Variants in ALPL observed in about 807,000 individuals in gnomAD.
The protein encoded by ALPL is alkaline phosphatase, tissue-nonspecific isozyme.
ALPL carries 42 observed loss-of-function variants against 51.3 expected under a neutral mutation model. The observed-to-expected ratio is 0.82, with a 90% CI of 0.64 to 1.06. The LOEUF (loss-of-function observed/expected upper bound fraction) is 1.06. Ranked by LOEUF, ALPL falls within the 50% of genes least tolerant of loss-of-function variation. The pLI, the probability that ALPL is intolerant of heterozygous loss-of-function variation, is 0.00. For synonymous variants in ALPL, 279 were observed against 296.4 expected (o/e 0.94, Z 0.60); for missense variants, 589 against 709.4 (o/e 0.83, Z 1.93).
Position 21,568,200 on chromosome 1 carries a change from G to T in ALPL, c.745G>T (p.Gly249Cys). 6.2e-7 allele frequency: 1 copy of T among 1,614,062 alleles called. No homozygotes were observed. The highest frequency in any genetic ancestry group is 1.1e-5 in the South Asian group (1 of 91,072). Reference protein sequence around the residue: ...DEKARGTRLDGLDLVDTWKSF... With the variant: ...DEKARGTRLDCLDLVDTWKSF... ...GAAAGCCAGGGGCACGAGGCTGGAC[G>T]GCCTGGACCTCGTTGACACCTGGAA... Residue 249 changes from glycine (G) to cysteine (C), a missense_variant, in exon 7 of 12, where the codon GGC becomes TGC. Gly to Cys is a radical substitution (Grantham distance 159). Transcript: ENST00000374840.
At chr1:21,541,706 G>GGGGTA (rs1004005024) in intron 1 of ALPL, among the ~76,000 whole-genome samples, 98 of 152,332 alleles carry the variant, frequency 6.4e-4, no homozygotes, top group African/African-American at 2.3e-3. Context: ...TGTCTGGGCT[G>GGGGTA]GGGTAGGGTA....
chr1:21,538,954 C>T (rs1644146398), intron 1 of ALPL, among the ~76,000 whole-genome samples: 1 of 152,186 alleles, frequency 6.6e-6, no homozygotes, highest in South Asian at 2.1e-4. Context: ...GAAGCCCTCC[C>T]ACTGGGAACC....
chr1:21,568,215 G>C lies in ALPL; in HGVS notation c.760G>C (p.Asp254His). The C allele has an allele frequency of 6.2e-7, 1 of 1,614,070 alleles. No homozygotes were observed. The highest frequency in any genetic ancestry group is 8.5e-7 in the Non-Finnish European group (1 of 1,180,020). Reference protein sequence around the residue: ...GTRLDGLDLVDTWKSFKPRYK... With the variant: ...GTRLDGLDLVHTWKSFKPRYK... ...GAGGCTGGACGGCCTGGACCTCGTT[G>C]ACACCTGGAAGAGCTTCAAACCGAG... The change falls in exon 7 of 12, where the codon GAC becomes CAC. Residue 254 changes from aspartate (D) to histidine (H), a missense_variant. Coordinates refer to ENST00000374840, the MANE Select transcript of ALPL (RefSeq NM_000478.6).
In ALPL at chr1:21,567,972, C is replaced by T. The variant is rs143727932; in HGVS notation, c.649-132C>T. 2.9e-3 allele frequency: 3,515 copies of T among 1,232,386 alleles called. 9 individuals carry two copies. Among genetic ancestry groups the T allele is most frequent in the Non-Finnish European group, 3.7e-3 (3,123 of 845,968 alleles). The allele number at this position is 1,232,386 out of a possible 1,614,324, so 76.3% of individuals were successfully genotyped here. On this transcript the variant is annotated intron_variant, in intron 6 of 11. Transcript: ENST00000374840. ...AAGTAAGGCCCAGAGATGACTGAGG[C>T]CTGGCTCACCAGGCTGGGAAAGTGT... is the stretch of plus-strand genomic sequence containing the variant.
At chr1:21,545,794 CTT>C (rs1158115739) in intron 1 of ALPL, among the ~76,000 whole-genome samples, 6 of 152,070 alleles carry the variant, frequency 3.9e-5, no homozygotes, top group African/African-American at 1.4e-4. Flanking sequence ...CAATTAAACT[CTT>C]TTAAATTTAT....
intron 1 of ALPL, among the ~76,000 whole-genome samples, chr1:21,523,538 C>T (rs537711699): frequency 3.3e-5 from 5 of 152,226 alleles, no homozygotes; most frequent in African/African-American, 9.6e-5. Context: ...ATCCGTGGGG[C>T]GGAGGGGAGT....
At chr1:21,523,660 C>G (rs1267099589) in intron 1 of ALPL, among the ~76,000 whole-genome samples, 1 of 152,218 alleles carries the variant, frequency 6.6e-6, no homozygotes, top group Non-Finnish European at 1.5e-5. Context: ...GGCAGCCCAG[C>G]ATGTGTCAGC....
At chr1:21,551,929 G>T (rs1238867059) in intron 1 of ALPL, among the ~76,000 whole-genome samples, 3 of 150,826 alleles carry the variant, frequency 2.0e-5, no homozygotes, top group South Asian at 4.2e-4. Flanking sequence ...GTTTCACTGT[G>T]TTAGCCAGGA....
chr1:21,559,975 G>C (rs1178803908), intron 2 of ALPL, among the ~76,000 whole-genome samples: 3 of 152,238 alleles, frequency 2.0e-5, no homozygotes, highest in Non-Finnish European at 4.4e-5. Flanking sequence ...TATCAGCCAA[G>C]AGGGATGGAG....
intron 7 of ALPL, among the ~76,000 whole-genome samples, chr1:21,569,744 T>A (rs1359183036): frequency 6.6e-6 from 1 of 152,172 alleles, no homozygotes; most frequent in African/African-American, 2.4e-5. Flanking sequence ...CAGGCCCACA[T>A]GGTGCCCTCT....
intron 9 of ALPL, chr1:21,574,671 C>A (rs1644701429): frequency 6.6e-6 from 1 of 152,240 alleles, no homozygotes; most frequent in African/African-American, 2.4e-5. Context: ...GGGGTTCCCA[C>A]TCGAGCACAG....
intron 2 of ALPL, among the ~76,000 whole-genome samples, chr1:21,559,248 T>C (rs886227525): frequency 6.6e-6 from 1 of 152,086 alleles, no homozygotes; most frequent in Non-Finnish European, 1.5e-5. Flanking sequence ...TCTGAGCAGA[T>C]CTGATAGGGC....
chr1:21,553,470 C>A (rs1187519918), intron 1 of ALPL, among the ~76,000 whole-genome samples: 1 of 152,118 alleles, frequency 6.6e-6, no homozygotes, highest in Non-Finnish European at 1.5e-5. Context: ...GTTCCTGGGA[C>A]ACAGGTAATT....
intron 2 of ALPL, among the ~76,000 whole-genome samples, chr1:21,554,758 G>C (rs1360234520): frequency 6.6e-6 from 1 of 151,152 alleles, no homozygotes; most frequent in East Asian, 1.9e-4. Flanking sequence ...CCAAAGTGCT[G>C]GGATTACAGG....
chr1:21,544,365 G>A (rs560013435), intron 1 of ALPL, among the ~76,000 whole-genome samples: 1 of 152,358 alleles, frequency 6.6e-6, no homozygotes, highest in East Asian at 1.9e-4. Context: ...TTCAAAATGT[G>A]GTGACTGAGA....
Position 21,564,159 on chromosome 1 carries a change from G to C in ALPL, c.591G>C (p.Leu197Phe). The stretch of plus-strand genomic sequence containing the variant: ...ACAACGAGATGCCCCCTGAGGCCTT[G>C]AGCCAGGGCTGTAAGGACATCGCCT... ...YSDNEMPPEA[L>F]SQGCKDIAYQ... Residue 197 changes from leucine to phenylalanine, a missense_variant, in exon 6 of 12, where the codon TTG (leucine) becomes TTC (phenylalanine). By Grantham distance (22) the Leu-to-Phe change is conservative. Coordinates refer to ENST00000374840, the MANE Select transcript of ALPL (RefSeq NM_000478.6). This position sits in a 1 kb window ranked among gnomAD's most constrained non-coding sequence, Gnocchi z 5.8. The C allele has an allele frequency of 6.2e-7, 1 of 1,614,076 alleles. No homozygotes were observed. The highest frequency in any genetic ancestry group is 1.1e-5 in the South Asian group (1 of 91,086).
rs747762186 is a variant in ALPL, at chr1:21,563,218, C to A, written c.406C>A (p.Arg136Ser). 1 of 1,613,930 alleles carries A rather than the reference C, an allele frequency of 6.2e-7. No homozygotes were observed. The highest frequency in any genetic ancestry group is 1.1e-5 in the South Asian group (1 of 91,078). The change falls in exon 5 of 12, where the codon CGT becomes AGT. Residue 136 changes from arginine to serine, a missense_variant. Arg to Ser is a moderately radical substitution (Grantham distance 110). Coordinates refer to ENST00000374840, the MANE Select transcript of ALPL (RefSeq NM_000478.6). Reference sequence around the variant, plus strand: ...CGTGGGGGTAAGCGCAGCCACTGAGCGTTCCCGGTGCAACACCACCCAGGG... The same window carrying A: ...CGTGGGGGTAAGCGCAGCCACTGAGAGTTCCCGGTGCAACACCACCCAGGG... ...GTVGVSAATERSRCNTTQGNE... is the reference protein window; with the variant it reads ...GTVGVSAATESSRCNTTQGNE...
intron 2 of ALPL, among the ~76,000 whole-genome samples, chr1:21,554,794 TGTCTGTCTGTCTGTCTGTCTGTCTTTC>T (rs1644380093): frequency 2.5e-5 from 1 of 39,556 alleles, no homozygotes; most frequent in African/African-American, 1.3e-4. Context: ...CTGGCCTGTC[TGTCTGTCTGTCTGTCTGTCTGTCTTTC>T]TTTCTTTCTT....
chr1:21,530,952 T>C (rs1644020816), intron 1 of ALPL, among the ~76,000 whole-genome samples: 2 of 119,284 alleles, frequency 1.7e-5, no homozygotes, highest in East Asian at 6.8e-4. Context: ...AGATCATTTT[T>C]GATTTTTTTT....
Sources: allele counts gnomAD v4.1 joint callset (sites outside exome capture counted in the v4.1 genomes callset), GRCh38; gene constraint gnomAD v4.1.1; non-coding constraint Gnocchi (gnomAD v3.1); transcripts MANE v1.5; gene names NCBI Gene and HGNC (gene_info 2026-07-23, HGNC 2026-07-21).